TBC1D23: variants seen among roughly 807,000 people sequenced by gnomAD.
The protein encoded by TBC1D23 is TBC1 domain family member 23, also known as HCV non-structural protein 4A-transactivated protein 1.
A neutral mutation model predicts 91.4 loss-of-function variants in TBC1D23; 55 were observed. The observed-to-expected ratio is 0.60, with a 90% CI of 0.48 to 0.75. The LOEUF (loss-of-function observed/expected upper bound fraction) is 0.75, where lower values mean the gene tolerates loss of function less well. TBC1D23 is among the 30% of genes least tolerant of loss of function. TBC1D23 has a pLI of 0.00. For missense variants in TBC1D23, 725 were observed against 836.1 expected (o/e 0.87, Z 1.64); for synonymous variants, 289 against 281.0 (o/e 1.03, Z -0.28).
Position 100,310,562 on chromosome 3 carries a change from T to C in TBC1D23, c.1553+20T>C. Reference sequence around the variant, plus strand: ...GGATCGGTGAGTTGTTTATACAGTATGAGTTTATGATGAGTAATTAAAACT... The same window carrying C: ...GGATCGGTGAGTTGTTTATACAGTACGAGTTTATGATGAGTAATTAAAACT... On this transcript the variant is annotated intron_variant, in intron 14 of 18. Coordinates refer to ENST00000394144, the MANE Select transcript of TBC1D23 (RefSeq NM_001199198.3). 6.3e-7 allele frequency: 1 copy of C among 1,584,176 alleles called. No individual in the cohort carries two copies. The highest frequency in any genetic ancestry group is 1.2e-5 in the South Asian group (1 of 86,594).
At position 100,316,222 on chromosome 3, in the gene TBC1D23, T is replaced by C. The variant is rs1208714191; in HGVS notation, c.1687+35T>C. 2.0e-6 allele frequency: 3 copies of C among 1,483,452 alleles called. No individual in the cohort carries two copies. In the Admixed American group the frequency reaches 5.0e-5, roughly 25 times the overall value. The allele number at this position is 1,483,452 out of a possible 1,614,324, so 91.9% of individuals were successfully genotyped here. On this transcript the variant is annotated intron_variant, in intron 16 of 18. Coordinates refer to ENST00000394144, the MANE Select transcript of TBC1D23 (RefSeq NM_001199198.3). ...TACACTTAGCTACAGACAGCTTTGC[T>C]GTCATTAGGAGTGATTACAGCAGTC...
intron 2 of TBC1D23, among the ~76,000 whole-genome samples, chr3:100,281,465 A>G (rs1049409362): frequency 2.0e-5 from 3 of 152,238 alleles, no homozygotes; most frequent in Non-Finnish European, 4.4e-5. Context: ...TACATTAAAA[A>G]AATTGATTGT....
intron 1 of TBC1D23, among the ~76,000 whole-genome samples, chr3:100,262,601 TG>T (rs910280111): frequency 6.7e-6 from 1 of 149,880 alleles, no homozygotes; most frequent in Non-Finnish European, 1.5e-5. Context: ...GGCGCGTGCC[TG>T]TAATCTCAGC....
At position 100,320,855 on chromosome 3, in the gene TBC1D23, T is replaced by C. The variant is rs757785045; in HGVS notation, c.1902T>C (p.Ser634=). The part of the protein sequence containing the change: ...VSRKGLAYIQ[S]RQALNSVVKI... ...GGAAAGGATTGGCTTATATACAGTCTCGACAAGCGCTGAATTCTGTAGTTA... is the reference window on the plus strand; with the variant it reads ...GGAAAGGATTGGCTTATATACAGTCCCGACAAGCGCTGAATTCTGTAGTTA... The change falls in exon 18 of 19, where the codon TCT becomes TCC. Residue 634 remains serine (S), a synonymous_variant. Coordinates refer to ENST00000394144, the MANE Select transcript of TBC1D23 (RefSeq NM_001199198.3). 1 of 1,613,408 alleles carries C rather than the reference T, an allele frequency of 6.2e-7. No homozygotes were observed. The highest frequency in any genetic ancestry group is 1.1e-5 in the South Asian group (1 of 91,026).
chr3:100,261,819 A>C (rs1158000181), intron 1 of TBC1D23, among the ~76,000 whole-genome samples: 4 of 152,228 alleles, frequency 2.6e-5, no homozygotes, highest in African/African-American at 9.7e-5. Flanking sequence ...TCTACTTTTG[A>C]AATAGTTGAT....
intron 5 of TBC1D23, among the ~76,000 whole-genome samples, chr3:100,293,104 A>AGTTTGTTT (rs56925154): frequency 0.32 from 48,213 of 150,382 alleles, 9,345 homozygotes; most frequent in African/African-American, 0.55. Context: ...TATGCCAGAT[A>AGTTTGTTT]GTTTGTTTGT....
rs774961609 is a variant in TBC1D23 at position 100,261,053 on chromosome 3, C to G, written c.35C>G (p.Thr12Arg). ...AEGEDVPPLP[T>R]SSGDGWEKDL... ...GGAGAAGATGTGCCGCCGCTGCCAA[C>G]GTCGAGCGGCGACGGCTGGTGAGTG... The change falls in exon 1 of 19, where the codon ACG becomes AGG. Residue 12 changes from threonine to arginine, a missense_variant. By Grantham distance (71) the Thr-to-Arg change is moderately conservative (BLOSUM62 -1). Transcript: ENST00000394144. 1 of 1,613,898 alleles carries G rather than the reference C, an allele frequency of 6.2e-7. No homozygotes were observed. Among genetic ancestry groups the G allele is most frequent in the Non-Finnish European group, 8.5e-7 (1 of 1,179,746 alleles).
chr3:100,290,572 T>G lies in TBC1D23; in HGVS notation c.477-6T>G. 6.2e-7 allele frequency: 1 copy of G among 1,612,654 alleles called. No homozygotes were observed. The highest frequency in any genetic ancestry group is 8.5e-7 in the Non-Finnish European group (1 of 1,179,550). On this transcript the variant is annotated splice_polypyrimidine_tract_variant and splice_region_variant and intron_variant, in intron 4 of 18. Transcript: ENST00000394144. ...GCAAAAAAATTTTGCTTCTCTTGTCTTCTAGGGATTGTTCCCAGAAAGGGA... is the reference window on the plus strand; with the variant it reads ...GCAAAAAAATTTTGCTTCTCTTGTCGTCTAGGGATTGTTCCCAGAAAGGGA...
Position 100,306,422 on chromosome 3 carries a change from T to G in TBC1D23, c.1307-15T>G. ...GATATTTTAGGTTTTTCTTTTTTTTTTAATTTATCTTAAGCACTGCAGCAG... is the reference window on the plus strand; with the variant it reads ...GATATTTTAGGTTTTTCTTTTTTTTGTAATTTATCTTAAGCACTGCAGCAG... On this transcript the variant is annotated splice_polypyrimidine_tract_variant and intron_variant, in intron 12 of 18. Transcript: ENST00000394144. 1 of 1,500,330 alleles carries G rather than the reference T, an allele frequency of 6.7e-7. No homozygotes were observed. The highest frequency in any genetic ancestry group is 9.1e-7 in the Non-Finnish European group (1 of 1,094,606). 92.9% of individuals were successfully genotyped at this position (1,500,330 alleles called of 1,614,324 possible). A position where few individuals can be genotyped will look rare whatever the true frequency, so the allele number is the denominator to read the frequency against.
rs559663649 is a variant in TBC1D23 at position 100,286,649 on chromosome 3, G to A, written c.476+2838G>A. Among the ~76,000 whole-genome samples the A allele has an allele frequency of 4.0e-5, 6 of 151,434 alleles. No homozygotes were observed. The East Asian group carries it at 5.9e-4, about 15-fold the overall frequency. Reference sequence around the variant, plus strand: ...AGTAGCTGGAATCACAGGCATGTGCGACCATACCTGGCTAATTTTTGTGTT... The same window carrying A: ...AGTAGCTGGAATCACAGGCATGTGCAACCATACCTGGCTAATTTTTGTGTT... On this transcript the variant is annotated intron_variant, in intron 4 of 18. Coordinates refer to ENST00000394144, the MANE Select transcript of TBC1D23 (RefSeq NM_001199198.3).
chr3:100,266,765 G>A (rs1230747084), intron 1 of TBC1D23, among the ~76,000 whole-genome samples: 1 of 152,190 alleles, frequency 6.6e-6, no homozygotes, highest in African/African-American at 2.4e-5. Context: ...GCAATTCAGA[G>A]CACCCAGTTA....
chr3:100,314,133 C>T (rs539391806), intron 15 of TBC1D23, among the ~76,000 whole-genome samples: 72 of 109,110 alleles, frequency 6.6e-4, no homozygotes, highest in African/African-American at 2.5e-3. Flanking sequence ...GAGTCTTGCT[C>T]TGTTGCCCAA....
rs762193286 is a variant in TBC1D23 at position 100,296,295 on chromosome 3, C to G, written c.876+20C>G. On this transcript the variant is annotated intron_variant, in intron 8 of 18. Transcript: ENST00000394144. ...AGGAAGGTATAAGACCAGAAATGAC[C>G]AACTATGTTGTATTTCATATTTTGT... The G allele has an allele frequency of 7.1e-5, 94 of 1,329,552 alleles. No individual in the cohort carries two copies. Among genetic ancestry groups the G allele is most frequent in the Non-Finnish European group, 9.5e-5 (89 of 941,432 alleles). The allele number at this position is 1,329,552 out of a possible 1,614,324, so 82.4% of individuals were successfully genotyped here. A position where few individuals can be genotyped will look rare whatever the true frequency, so the allele number is the denominator to read the frequency against.
chr3:100,269,732 C>G (rs1415998876), intron 1 of TBC1D23, among the ~76,000 whole-genome samples: 1 of 152,166 alleles, frequency 6.6e-6, no homozygotes, highest in Non-Finnish European at 1.5e-5. Flanking sequence ...TTGTAACCAG[C>G]GTCCTAACAA....
intron 13 of TBC1D23, among the ~76,000 whole-genome samples, chr3:100,310,003 T>C (rs1705597431): frequency 6.6e-6 from 1 of 152,230 alleles, no homozygotes; most frequent in Non-Finnish European, 1.5e-5. Context: ...TTAACCAATG[T>C]AAATTTATTT....
intron 4 of TBC1D23, among the ~76,000 whole-genome samples, chr3:100,286,912 T>C (rs941162127): frequency 6.6e-6 from 1 of 152,034 alleles, no homozygotes; most frequent in African/African-American, 2.4e-5. Context: ...GCCTCCCAGA[T>C]TCAAGCGATT....
chr3:100,275,254 T>G (rs568931500), intron 1 of TBC1D23, among the ~76,000 whole-genome samples: 29 of 152,208 alleles, frequency 1.9e-4, no homozygotes, highest in East Asian at 5.8e-4. Context: ...TGTGTTTTTT[T>G]TTTGTTTGTT....
At chr3:100,307,525 G>A (rs1226019269) in intron 13 of TBC1D23, among the ~76,000 whole-genome samples, 2 of 152,220 alleles carry the variant, frequency 1.3e-5, no homozygotes, top group Non-Finnish European at 2.9e-5. Flanking sequence ...CCTGTCACCA[G>A]ATATTTAATA....
At chr3:100,282,039 C>T (rs1399592098) in intron 3 of TBC1D23, among the ~76,000 whole-genome samples, 192 bp downstream of exon 3, 1 of 152,184 alleles carries the variant, frequency 6.6e-6, no homozygotes, top group Non-Finnish European at 1.5e-5. Context: ...TGACTGGGTG[C>T]AGTGACTCAC....
Sources: allele counts gnomAD v4.1 joint callset (sites outside exome capture counted in the v4.1 genomes callset), GRCh38; gene constraint gnomAD v4.1.1; transcripts MANE v1.5; gene names NCBI Gene and HGNC (gene_info 2026-07-23, HGNC 2026-07-21).